The following ING3 variants were observed in gnomAD, a reference collection of about 807,000 sequenced individuals.
ING3 encodes inhibitor of growth protein 3.
In ING3, 6 loss-of-function variants were observed where a neutral mutation model predicts 64.8. The ratio of observed to expected loss-of-function variants is 0.09; its 90% CI spans 0.05 to 0.18. The LOEUF is 0.18. Ranked by LOEUF, ING3 falls within the 10% of genes least tolerant of loss-of-function variation. The pLI is 1.00. For synonymous variants in ING3, 170 were observed against 173.7 expected (o/e 0.98, Z 0.17); for missense variants, 310 against 489.7 (o/e 0.63, Z 3.46).
Position 120,950,831 on chromosome 7 carries a change from C to T in ING3, c.-66C>T. 2.0e-6 allele frequency: 3 copies of T among 1,510,228 alleles called. No individual in the cohort carries two copies. Among genetic ancestry groups the T allele is most frequent in the Non-Finnish European group, 2.7e-6 (3 of 1,110,280 alleles). 93.6% of individuals were successfully genotyped at this position (1,510,228 alleles called of 1,614,324 possible). On this transcript the variant is annotated 5_prime_UTR_variant, in exon 1 of 12. Coordinates refer to ENST00000315870, the MANE Select transcript of ING3 (RefSeq NM_019071.3). ...GCGCCATATTGGAGGGGACAAAACT[C>T]CGGCGACAGCGAGTGACACAAATAA...
chr7:120,955,713 A>C (rs1265039801), intron 4 of ING3, 89 bp downstream of exon 4: 1 of 851,534 alleles, frequency 1.2e-6, no homozygotes, highest in Non-Finnish European at 2.0e-6. Flanking sequence ...TAGTAGGAAG[A>C]AGCAACTAAA....
intron 8 of ING3, 44 bp from the exon 9 acceptor site, chr7:120,968,967 A>T: frequency 8.3e-7 from 1 of 1,199,170 alleles, no homozygotes; most frequent in Non-Finnish European, 1.2e-6. Flanking sequence ...AAGAAAATCT[A>T]CATATTTACA....
Position 120,975,800 on chromosome 7 carries a change from G to A in ING3, c.*956G>A, listed in dbSNP as rs141801605. ...ATGTCTTTAATGATGTTTAGAGTTT[G>A]TGATATAAGAATACAGGAAAGACAT... On this transcript the variant is annotated 3_prime_UTR_variant, in exon 12 of 12. Transcript: ENST00000315870. 288 of 152,262 alleles carry A rather than the reference G, an allele frequency of 1.9e-3. 2 individuals carry two copies. The highest frequency in any genetic ancestry group is 6.6e-3 in the African/African-American group (276 of 41,560). 9.4% of individuals were successfully genotyped at this position (152,262 alleles called of 1,614,324 possible).
chr7:120,956,327 AAC>A (rs1795846774), intron 4 of ING3: 1 of 1,406,470 alleles, frequency 7.1e-7, no homozygotes, highest in East Asian at 2.7e-5. Flanking sequence ...TAAAGCAGAA[AAC>A]ACATGCTCAC....
chr7:120,964,224 A>G (rs1401227899), intron 4 of ING3, among the ~76,000 whole-genome samples: 1 of 152,184 alleles, frequency 6.6e-6, no homozygotes, highest in Non-Finnish European at 1.5e-5. Context: ...GTTTACAAGC[A>G]TTATGATTCA....
intron 2 of ING3, among the ~76,000 whole-genome samples, chr7:120,952,040 G>C (rs936424113): frequency 6.6e-6 from 1 of 152,144 alleles, no homozygotes; most frequent in Non-Finnish European, 1.5e-5. Flanking sequence ...TTGCTTATGA[G>C]TATATTTTTC....
intron 4 of ING3, chr7:120,956,765 C>G (rs1366514154): frequency 4.1e-6 from 4 of 974,282 alleles, no homozygotes; most frequent in Admixed American, 6.2e-5. Flanking sequence ...ACATTTGAAT[C>G]TAGACTAATT....
At chr7:120,964,932 C>A (rs2116676240) in intron 5 of ING3, 94 bp downstream of exon 5, 1 of 959,468 alleles carries the variant, frequency 1.0e-6, no homozygotes, top group Non-Finnish European at 1.6e-6. Context: ...GAAATCCTGC[C>A]CTTCAATGGA....
intron 4 of ING3, among the ~76,000 whole-genome samples, chr7:120,959,630 A>ATTTTTTTTTTTT (rs397889009): frequency 1.3e-4 from 7 of 55,702 alleles, no homozygotes; most frequent in Admixed American, 2.6e-4. Flanking sequence ...ACTTCCTCAC[A>ATTTTTTTTTTTT]TTTTTTTTTT....
intron 11 of ING3, among the ~76,000 whole-genome samples, chr7:120,974,076 A>G (rs1562978327): frequency 1.3e-5 from 2 of 152,176 alleles, no homozygotes; most frequent in African/African-American, 2.4e-5. Context: ...TTGCCCAACC[A>G]TTTCAAGAAC....
intron 1 of ING3, 38 bp downstream of exon 1, chr7:120,950,962 G>T (rs898057003): frequency 3.7e-6 from 6 of 1,611,640 alleles, no homozygotes; most frequent in Non-Finnish European, 5.1e-6. Flanking sequence ...CCAGTGGGAC[G>T]TGCGGGCGGG....
chr7:120,953,438 A>G, intron 3 of ING3, 34 bp downstream of exon 3: 1 of 1,241,402 alleles, frequency 8.1e-7, no homozygotes, highest in Non-Finnish European at 1.2e-6. Context: ...TTATCAAGAA[A>G]TATTGGGACC....
Position 120,953,215 on chromosome 7 carries a change from G to T in ING3, c.101-89G>T, listed in dbSNP as rs985596368. ...CTGGCAAGGTGAAAGAGTGTGTATTGTCAGATTTTTTCCCTCCCTAAATCA... is the reference window on the plus strand; with the variant it reads ...CTGGCAAGGTGAAAGAGTGTGTATTTTCAGATTTTTTCCCTCCCTAAATCA... On this transcript the variant is annotated intron_variant, in intron 2 of 11. Transcript: ENST00000315870. 4 of 671,242 alleles carry T rather than the reference G, an allele frequency of 6.0e-6. No individual in the cohort carries two copies. In the African/African-American group the frequency reaches 7.6e-5, roughly 13 times the overall value. The allele number at this position is 671,242 out of a possible 1,614,324, so 41.6% of individuals were successfully genotyped here.
In ING3 at chr7:120,951,228, G is replaced by A. The variant is rs762651592; in HGVS notation, c.93G>A (p.Gln31=). 2 of 1,614,200 alleles carry A rather than the reference G, an allele frequency of 1.2e-6. No individual in the cohort carries two copies. Among genetic ancestry groups the A allele is most frequent in the Admixed American group, 3.3e-5 (2 of 60,026 alleles). Residue 31 remains glutamine (Q), a synonymous_variant, in exon 2 of 12, where the codon CAG becomes CAA. Coordinates refer to ENST00000315870, the MANE Select transcript of ING3 (RefSeq NM_019071.3). ...CGGAAATGCGCGAGATGGACCTGCAGGTGCAGAGTAAGTCGGCGCGTCTAC... is the reference window on the plus strand; with the variant it reads ...CGGAAATGCGCGAGATGGACCTGCAAGTGCAGAGTAAGTCGGCGCGTCTAC... The part of the protein sequence containing the change: ...RFTEMREMDL[Q]VQNAMDQLEQ...
chr7:120,957,003 A>G lies in ING3; in HGVS notation c.267+1379A>G, dbSNP rs904782315. 9 of 336,374 alleles carry G rather than the reference A, an allele frequency of 2.7e-5. No homozygotes were observed. In the Admixed American group the frequency reaches 5.2e-4, roughly 19 times the overall value. The allele number at this position is 336,374 out of a possible 1,614,324, so 20.8% of individuals were successfully genotyped here. ...ATGTGTGTGTGTGTATTCATCTCTT[A>G]TTTAAAAACCACACTGTTCATCCAC... On this transcript the variant is annotated intron_variant, in intron 4 of 11. Coordinates refer to ENST00000315870, the MANE Select transcript of ING3 (RefSeq NM_019071.3).
rs1044366957 is a variant in ING3, at chr7:120,975,649, A to T, written c.*805A>T. Reference sequence around the variant, plus strand: ...TATTAGGTGTTAAAATAAAGTTTTTAAAAAATTACTTGTATTTATACTTTA... The same window carrying T: ...TATTAGGTGTTAAAATAAAGTTTTTTAAAAATTACTTGTATTTATACTTTA... On this transcript the variant is annotated 3_prime_UTR_variant, in exon 12 of 12. Transcript: ENST00000315870. 2 of 152,166 alleles carry T rather than the reference A, an allele frequency of 1.3e-5. No homozygotes were observed. Among genetic ancestry groups the T allele is most frequent in the Admixed American group, 6.5e-5 (1 of 15,280 alleles). 9.4% of individuals were successfully genotyped at this position (152,166 alleles called of 1,614,324 possible).
intron 1 of ING3, 95 bp from the exon 2 acceptor site, chr7:120,951,069 C>CCGGCCCCCT: frequency 1.3e-6 from 2 of 1,519,514 alleles, no homozygotes; most frequent in Non-Finnish European, 1.8e-6. Flanking sequence ...TTGTGGGCTG[C>CCGGCCCCCT]CGGCCCCCTC....
chr7:120,972,480 G>T (rs1286166760), intron 10 of ING3, among the ~76,000 whole-genome samples: 1 of 152,052 alleles, frequency 6.6e-6, no homozygotes, highest in Admixed American at 6.6e-5. Context: ...ACTTGCAAAA[G>T]AACAAAATCA....
At chr7:120,964,144 T>C (rs1426470582) in intron 4 of ING3, among the ~76,000 whole-genome samples, 4 of 152,150 alleles carry the variant, frequency 2.6e-5, no homozygotes. Flanking sequence ...TAAAATAATT[T>C]TAACCAGATC....
Sources: gnomAD v4.1 joint callset for allele counts (sites outside exome capture counted in the v4.1 genomes callset) on GRCh38, gnomAD v4.1.1 for gene constraint, MANE v1.5 for transcripts, NCBI Gene and HGNC (gene_info 2026-07-23, HGNC 2026-07-21) for gene names.